Variants in GRIA1 observed in about 807,000 individuals in gnomAD.
GRIA1 encodes glutamate receptor 1.
In GRIA1, 31 loss-of-function variants were observed where a neutral mutation model predicts 99.2. The ratio of observed to expected loss-of-function variants is 0.31; its 90% CI spans 0.23 to 0.42. GRIA1 has a LOEUF of 0.42. GRIA1 is among the 10% of genes least tolerant of loss of function. The probability of loss-of-function intolerance (pLI) is 1.00; values close to 1 mark genes in which losing one functional copy is unlikely to be tolerated. For missense variants in GRIA1, 782 were observed against 1,157.5 expected, an observed-to-expected ratio of 0.68 and a Z score of 4.71; for synonymous variants, 438 against 432.4, an observed-to-expected ratio of 1.01 and a Z score of -0.16.
chr5:153,519,676 T>C (rs1191237611), intron 2 of GRIA1, among the ~76,000 whole-genome samples: 3 of 152,022 alleles, frequency 2.0e-5, no homozygotes, highest in African/African-American at 7.2e-5. Flanking sequence ...CCATCCACCT[T>C]GAGAAGCATG....
intron 2 of GRIA1, among the ~76,000 whole-genome samples, chr5:153,581,966 C>T (rs557177516): frequency 6.6e-6 from 1 of 152,282 alleles, no homozygotes; most frequent in Admixed American, 6.5e-5. Context: ...CCATGTTGGC[C>T]AGGCTGGTCT....
At chr5:153,711,921 G>A (rs2149528338) in intron 11 of GRIA1, among the ~76,000 whole-genome samples, 1 of 152,334 alleles carries the variant, frequency 6.6e-6, no homozygotes, top group South Asian at 2.1e-4. Context: ...GAATTGGAAT[G>A]TGTAATAATT....
intron 5 of GRIA1, 92 bp downstream of exon 5, chr5:153,655,964 T>G (rs1409911246): frequency 2.8e-6 from 3 of 1,086,622 alleles, no homozygotes; most frequent in Admixed American, 1.7e-5. Context: ...GTGAACTGAG[T>G]AGGTGGAAGG....
intron 8 of GRIA1, among the ~76,000 whole-genome samples, chr5:153,687,238 G>C (rs1045529287): frequency 3.3e-5 from 5 of 152,214 alleles, no homozygotes; most frequent in Non-Finnish European, 7.3e-5. Flanking sequence ...ACAGCATGGC[G>C]TAGAGCTGGT....
chr5:153,604,894 A>T (rs550547274), intron 2 of GRIA1, among the ~76,000 whole-genome samples: 1 of 152,272 alleles, frequency 6.6e-6, no homozygotes, highest in Non-Finnish European at 1.5e-5. Flanking sequence ...GAACACTCAC[A>T]TTTAGAATAC....
intron 2 of GRIA1, among the ~76,000 whole-genome samples, chr5:153,589,380 T>A (rs1458178228): frequency 6.6e-6 from 1 of 152,226 alleles, no homozygotes; most frequent in African/African-American, 2.4e-5. Context: ...TCCTGATGGA[T>A]ACTTTTCATT....
intron 2 of GRIA1, among the ~76,000 whole-genome samples, chr5:153,581,125 T>C (rs938218312): frequency 3.3e-5 from 5 of 152,234 alleles, no homozygotes; most frequent in Admixed American, 6.5e-5. Flanking sequence ...TCCCTGCACA[T>C]CTGTGAGAAA....
At chr5:153,702,335 C>G (rs1183219030) in intron 10 of GRIA1, among the ~76,000 whole-genome samples, 2 of 152,214 alleles carry the variant, frequency 1.3e-5, no homozygotes, top group East Asian at 3.8e-4. Flanking sequence ...GTGAGCTTTG[C>G]AGACAGACAC....
chr5:153,499,091 T>C (rs1344545978), intron 2 of GRIA1, among the ~76,000 whole-genome samples: 2 of 152,212 alleles, frequency 1.3e-5, no homozygotes, highest in East Asian at 1.9e-4. Flanking sequence ...TGGCTGATGG[T>C]GGGATAAACA....
At chr5:153,765,983 G>A (rs940849514) in intron 12 of GRIA1, among the ~76,000 whole-genome samples, 1 of 152,204 alleles carries the variant, frequency 6.6e-6, no homozygotes, top group Non-Finnish European at 1.5e-5. Context: ...AAGGGATCCT[G>A]TACAGACTCA....
chr5:153,505,804 G>T lies in GRIA1; in HGVS notation c.220+11739G>T, dbSNP rs1005937402. On this transcript the variant is annotated intron_variant, in intron 2 of 15. Coordinates refer to ENST00000285900, the MANE Select transcript of GRIA1 (RefSeq NM_000827.4). Reference sequence around the variant, plus strand: ...TACATTTACAAATAAAATATATAGAGAGAGATCATTACTAGGGTCATAAAG... The same window carrying T: ...TACATTTACAAATAAAATATATAGATAGAGATCATTACTAGGGTCATAAAG... Among the ~76,000 whole-genome samples the T allele has an allele frequency of 5.9e-5, 9 of 152,150 alleles. No homozygotes were observed. The South Asian group carries it at 8.3e-4, about 14-fold the overall frequency.
intron 2 of GRIA1, among the ~76,000 whole-genome samples, chr5:153,551,526 G>A (rs377630508): frequency 1.3e-5 from 2 of 152,096 alleles, no homozygotes; most frequent in African/African-American, 2.4e-5. Flanking sequence ...ATGGGATTTC[G>A]ATTAATGGAA....
At chr5:153,543,634 T>A (rs762755544) in intron 2 of GRIA1, among the ~76,000 whole-genome samples, 4 of 152,188 alleles carry the variant, frequency 2.6e-5, no homozygotes, top group Non-Finnish European at 4.4e-5. Flanking sequence ...TTACTTGTTT[T>A]CTAATCTTAA....
At chr5:153,667,432 A>G (rs1162198978) in intron 5 of GRIA1, among the ~76,000 whole-genome samples, 2 of 152,182 alleles carry the variant, frequency 1.3e-5, no homozygotes, top group African/African-American at 4.8e-5. Flanking sequence ...CACCTGCTTC[A>G]TGTTCTCTCA....
At chr5:153,509,605 T>C (rs773628501) in intron 2 of GRIA1, among the ~76,000 whole-genome samples, 27 of 152,220 alleles carry the variant, frequency 1.8e-4, no homozygotes, top group Admixed American at 2.6e-4. Flanking sequence ...AATAAATATT[T>C]CCAGGGCAAT....
At chr5:153,643,638 C>G (rs62384391) in intron 2 of GRIA1, among the ~76,000 whole-genome samples, 2,900 of 152,256 alleles carry the variant, frequency 0.019, 41 homozygotes, top group Non-Finnish European at 0.03. Flanking sequence ...GTCTGACAGT[C>G]AGGCACTGAG....
At chr5:153,810,981 C>A in intron 15 of GRIA1, 44 bp from the exon 16 acceptor site, 1 of 1,428,730 alleles carries the variant, frequency 7.0e-7, no homozygotes. Context: ...CATTGCCTGT[C>A]ATTGCCAAGG....
intron 2 of GRIA1, among the ~76,000 whole-genome samples, chr5:153,643,051 G>A (rs1659751362): frequency 1.3e-5 from 2 of 152,186 alleles, no homozygotes; most frequent in Non-Finnish European, 2.9e-5. Context: ...CAGGCTGCAG[G>A]CAGGAGGGGG....
intron 3 of GRIA1, among the ~76,000 whole-genome samples, chr5:153,648,671 G>A (rs908834475): frequency 6.6e-6 from 1 of 152,312 alleles, no homozygotes. Context: ...AGGAAACAAA[G>A]ATAGGAAGGC....
Sources: gnomAD v4.1 joint callset for allele counts (sites outside exome capture counted in the v4.1 genomes callset) on GRCh38, gnomAD v4.1.1 for gene constraint, MANE v1.5 for transcripts, NCBI Gene and HGNC (gene_info 2026-07-23, HGNC 2026-07-21) for gene names.